Variants in OR5K1 observed in about 807,000 individuals in gnomAD.
OR5K1 encodes olfactory receptor family 5 subfamily K member 1, also known as olfactory receptor 5K1.
OR5K1 carries 7 observed loss-of-function variants against 10.4 expected under a neutral mutation model. That is an observed-to-expected ratio of 0.67 (90% CI 0.38 to 1.26). OR5K1 has a LOEUF of 1.26. Among genes scored for constraint, OR5K1 ranks in the 50% most tolerant of loss-of-function variants. OR5K1 has a pLI of 0.02. For synonymous variants in OR5K1, 135 were observed against 128.5 expected (o/e 1.05, Z -0.34); for missense variants, 435 against 366.2 (o/e 1.19, Z -1.53).
chr3:98,470,057 G>A lies in OR5K1; in HGVS notation c.481G>A (p.Gly161Arg), dbSNP rs1705426222. ...AAACCTGCATTCCATGATTCATGTA[G>A]GGCTTGTATTTAGGTTAGTTTTCTG... ...AGNLHSMIHV[G>R]LVFRLVFCGS... The change falls in exon 2 of 2, where the codon GGG (glycine) becomes AGG (arginine). Residue 161 changes from glycine (G) to arginine (R), a missense_variant. Physicochemically the swap from Gly to Arg is moderately radical, Grantham distance 125. Coordinates refer to ENST00000642057, the MANE Select transcript of OR5K1 (RefSeq NM_001004736.4). The A allele has an allele frequency of 1.2e-6, 2 of 1,613,472 alleles. No individual in the cohort carries two copies. The highest frequency in any genetic ancestry group is 1.7e-5 in the Admixed American group (1 of 59,886).
chr3:98,468,894 T>C (rs748303310), intron 1 of OR5K1, among the ~76,000 whole-genome samples: 8 of 152,146 alleles, frequency 5.3e-5, no homozygotes, highest in Admixed American at 1.3e-4. Context: ...TCAGCTTTAC[T>C]TAACCCATAT....
Position 98,470,167 on chromosome 3 carries a change from G to T in OR5K1, c.591G>T (p.Leu197=). The change falls in exon 2 of 2, where the codon CTG becomes CTT. Residue 197 remains leucine (L), a synonymous_variant. Transcript: ENST00000642057. ...LSCVDPYINE[L]VLFIFSGSVQ... ...GTGTTGATCCTTATATCAATGAACTGGTTCTATTCATCTTCTCAGGTTCAG... is the reference window on the plus strand; with the variant it reads ...GTGTTGATCCTTATATCAATGAACTTGTTCTATTCATCTTCTCAGGTTCAG... 6.2e-7 allele frequency: 1 copy of T among 1,613,222 alleles called. No individual in the cohort carries two copies. The highest frequency in any genetic ancestry group is 8.5e-7 in the Non-Finnish European group (1 of 1,179,518).
At position 98,469,829 on chromosome 3, in the gene OR5K1, T is replaced by C. The variant is rs762881524; in HGVS notation, c.253T>C (p.Phe85Leu). 4.3e-6 allele frequency: 7 copies of C among 1,613,800 alleles called. No homozygotes were observed. Among genetic ancestry groups the C allele is most frequent in the Non-Finnish European group, 5.9e-6 (7 of 1,179,796 alleles). ...CAITPKMLEN[F>L]FSENKRISLY... ...TATTACCCCCAAAATGTTAGAGAACTTCTTTTCTGAGAACAAAAGGATTTC... is the reference window on the plus strand; with the variant it reads ...TATTACCCCCAAAATGTTAGAGAACCTCTTTTCTGAGAACAAAAGGATTTC... The change falls in exon 2 of 2, where the codon TTC (phenylalanine) becomes CTC (leucine). Residue 85 changes from phenylalanine (F) to leucine (L), a missense_variant. By Grantham distance (22) the Phe-to-Leu change is conservative. Coordinates refer to ENST00000642057, the MANE Select transcript of OR5K1 (RefSeq NM_001004736.4).
intron 1 of OR5K1, among the ~76,000 whole-genome samples, chr3:98,466,731 C>G (rs1239919660): frequency 3.9e-5 from 5 of 129,090 alleles, no homozygotes; most frequent in Non-Finnish European, 7.8e-5. Context: ...CCTTCGCCCA[C>G]TTTTTGATGG....
intron 1 of OR5K1, among the ~76,000 whole-genome samples, chr3:98,464,771 T>C (rs1305698028): frequency 6.6e-6 from 1 of 152,194 alleles, no homozygotes; most frequent in African/African-American, 2.4e-5. Context: ...GACCTTAAGA[T>C]TGCATTACCA....
intron 1 of OR5K1, among the ~76,000 whole-genome samples, chr3:98,465,664 A>G (rs999323997): frequency 6.6e-6 from 1 of 152,050 alleles, no homozygotes; most frequent in African/African-American, 2.4e-5. Context: ...ATTTTAAATT[A>G]TGTTTCTCTG....
At chr3:98,467,918 C>T (rs968729027) in intron 1 of OR5K1, among the ~76,000 whole-genome samples, 1 of 150,832 alleles carries the variant, frequency 6.6e-6, no homozygotes, top group Non-Finnish European at 1.5e-5. Flanking sequence ...ATTGCCCTGG[C>T]CAGAACTTCC....
At position 98,470,058 on chromosome 3, in the gene OR5K1, G is replaced by A; in HGVS notation, c.482G>A (p.Gly161Glu). The change falls in exon 2 of 2, where the codon GGG becomes GAG. Residue 161 changes from glycine (G) to glutamate (E), a missense_variant. Transcript: ENST00000642057. ...AGNLHSMIHV[G>E]LVFRLVFCGS... ...AACCTGCATTCCATGATTCATGTAGGGCTTGTATTTAGGTTAGTTTTCTGT... is the reference window on the plus strand; with the variant it reads ...AACCTGCATTCCATGATTCATGTAGAGCTTGTATTTAGGTTAGTTTTCTGT... 6.2e-7 allele frequency: 1 copy of A among 1,613,502 alleles called. No individual in the cohort carries two copies.
chr3:98,464,928 G>A (rs1325451900), intron 1 of OR5K1, among the ~76,000 whole-genome samples: 1 of 152,120 alleles, frequency 6.6e-6, no homozygotes, highest in African/African-American at 2.4e-5. Context: ...GTAGAATTGT[G>A]AAGTGCAGAA....
chr3:98,472,557 T>C lies in OR5K1; in HGVS notation c.*2054T>C, dbSNP rs1022869733. On this transcript the variant is annotated 3_prime_UTR_variant, in exon 2 of 2. Coordinates refer to ENST00000642057, the MANE Select transcript of OR5K1 (RefSeq NM_001004736.4). ...CTTTTTTTCCCAACTGACTGAATCCTTAATTCTAGGATGATACTTAGTTTT... is the reference window on the plus strand; with the variant it reads ...CTTTTTTTCCCAACTGACTGAATCCCTAATTCTAGGATGATACTTAGTTTT... The C allele has an allele frequency of 1.5e-4, 23 of 151,972 alleles. No individual in the cohort carries two copies. The highest frequency in any genetic ancestry group is 5.6e-4 in the African/African-American group (23 of 41,406). 9.4% of individuals were successfully genotyped at this position (151,972 alleles called of 1,614,324 possible).
rs200553930 is a variant in OR5K1, at chr3:98,470,388, A to T, written c.812A>T (p.Asp271Val). ...AATTTGCTTGAAGAAGGGGATAAAG[A>T]TATACCAGCTGCAATTTTATTTACA... ...RPNLLEEGDK[D>V]IPAAILFTIV... is the part of the protein sequence containing the mutation. The change falls in exon 2 of 2, where the codon GAT (aspartate) becomes GTT (valine). Residue 271 changes from aspartate (D) to valine (V), a missense_variant. By Grantham distance (152) the Asp-to-Val change is radical (BLOSUM62 -3). Coordinates refer to ENST00000642057, the MANE Select transcript of OR5K1 (RefSeq NM_001004736.4). The T allele has an allele frequency of 6.8e-6, 11 of 1,611,432 alleles. No individual in the cohort carries two copies. The Admixed American group carries it at 1.5e-4, about 22-fold the overall frequency.
chr3:98,465,600 T>C (rs558578060), intron 1 of OR5K1, among the ~76,000 whole-genome samples: 1 of 152,170 alleles, frequency 6.6e-6, no homozygotes, highest in African/African-American at 2.4e-5. Context: ...TTATCATTTC[T>C]TTTTAAAAAC....
chr3:98,470,465 G>A lies in OR5K1; in HGVS notation c.889G>A (p.Val297Ile), dbSNP rs949232748. The stretch of plus-strand genomic sequence containing the variant: ...CATTTATAGCCTGAGAAATAGGGAA[G>A]TAATAAGTGTCTTAAGAAAAATTCT... Reference protein sequence around the residue: ...PFIYSLRNREVISVLRKILMK... With the variant: ...PFIYSLRNREIISVLRKILMK... The change falls in exon 2 of 2, where the codon GTA (valine) becomes ATA (isoleucine). Residue 297 changes from valine (V) to isoleucine (I), a missense_variant. Coordinates refer to ENST00000642057, the MANE Select transcript of OR5K1 (RefSeq NM_001004736.4). 4.4e-6 allele frequency: 7 copies of A among 1,578,674 alleles called. No individual in the cohort carries two copies. Among genetic ancestry groups the A allele is most frequent in the Non-Finnish European group, 5.2e-6 (6 of 1,154,224 alleles).
At chr3:98,469,362 G>T in intron 1 of OR5K1, 2 of 575,252 alleles carry the variant, frequency 3.5e-6, no homozygotes, top group East Asian at 5.6e-5. Context: ...GATTTTAAAA[G>T]GTACTGAAAA....
chr3:98,465,810 C>G (rs971834879), intron 1 of OR5K1, among the ~76,000 whole-genome samples: 4 of 151,980 alleles, frequency 2.6e-5, no homozygotes, highest in Non-Finnish European at 5.9e-5. Context: ...GAAACAATAT[C>G]CTATTTATTC....
chr3:98,469,606 T>A lies in OR5K1; in HGVS notation c.30T>A (p.Asn10Lys). MAEENHTMK[N>K]EFILTGFTDH... ...CTGAAGAAAATCATACCATGAAAAA[T>A]GAGTTTATCCTCACAGGATTTACAG... The change falls in exon 2 of 2, where the codon AAT becomes AAA. Residue 10 changes from asparagine (N) to lysine (K), a missense_variant. By Grantham distance (94) the Asn-to-Lys change is moderately conservative. Transcript: ENST00000642057. The A allele has an allele frequency of 3.1e-6, 5 of 1,608,644 alleles. No homozygotes were observed. The highest frequency in any genetic ancestry group is 4.2e-6 in the Non-Finnish European group (5 of 1,176,994).
chr3:98,468,823 A>C (rs1333010111), intron 1 of OR5K1, among the ~76,000 whole-genome samples: 1 of 152,126 alleles, frequency 6.6e-6, no homozygotes, highest in African/African-American at 2.4e-5. Flanking sequence ...TAATCAGTAC[A>C]TATATATTCA....
chr3:98,470,662 G>A lies in OR5K1; in HGVS notation c.*159G>A. 4.3e-6 allele frequency: 2 copies of A among 466,158 alleles called. No homozygotes were observed. Among genetic ancestry groups the A allele is most frequent in the South Asian group, 4.0e-5 (1 of 25,176 alleles). The allele number at this position is 466,158 out of a possible 1,614,324, so 28.9% of individuals were successfully genotyped here. A position where few individuals can be genotyped will look rare whatever the true frequency, so the allele number is the denominator to read the frequency against. On this transcript the variant is annotated 3_prime_UTR_variant, in exon 2 of 2. Transcript: ENST00000642057. ...AATTAAGTGGCAAGAGGTAAGGGTA[G>A]AATATACAAAAAAGAGTAAACTGTG... is the stretch of plus-strand genomic sequence containing the variant.
chr3:98,469,141 A>T (rs1198119048), intron 1 of OR5K1, among the ~76,000 whole-genome samples: 2 of 152,080 alleles, frequency 1.3e-5, no homozygotes, highest in African/African-American at 2.4e-5. Context: ...AGCAACATGG[A>T]CAGAGCTGGA....
Sources: allele counts gnomAD v4.1 joint callset (sites outside exome capture counted in the v4.1 genomes callset), GRCh38; gene constraint gnomAD v4.1.1; transcripts MANE v1.5; gene names NCBI Gene and HGNC (gene_info 2026-07-23, HGNC 2026-07-21).